Variants in CMSS1 observed in about 807,000 individuals in gnomAD.
CMSS1 encodes the protein cms1 ribosomal small subunit homolog.
Under a neutral mutation model 43.5 loss-of-function variants are expected in CMSS1, and 33 were observed. The observed-to-expected ratio is 0.76, with a 90% CI of 0.57 to 1.01. CMSS1 has a LOEUF of 1.01. Ranked by LOEUF, CMSS1 falls within the 50% of genes least tolerant of loss-of-function variation. The pLI is 0.00. For synonymous variants in CMSS1, 115 were observed against 117.2 expected, an observed-to-expected ratio of 0.98 and a Z score of 0.12; for missense variants, 313 against 326.4, an observed-to-expected ratio of 0.96 and a Z score of 0.32.
chr3:99,993,537 G>T (rs903653181), intron 1 of CMSS1, among the ~76,000 whole-genome samples: 6 of 152,048 alleles, frequency 3.9e-5, no homozygotes, highest in Non-Finnish European at 5.9e-5. Context: ...GTAAAAGTGG[G>T]CATCCTTGTC....
At chr3:100,102,572 A>AT (rs906999376) in intron 1 of CMSS1, among the ~76,000 whole-genome samples, 18 of 152,048 alleles carry the variant, frequency 1.2e-4, no homozygotes, top group African/African-American at 4.3e-4. Flanking sequence ...ATTGTTTTAT[A>AT]TTTTTTGTGT....
intron 1 of CMSS1, among the ~76,000 whole-genome samples, chr3:100,069,470 A>G (rs2065724230): frequency 1.3e-5 from 2 of 151,970 alleles, no homozygotes; most frequent in South Asian, 4.2e-4. Context: ...TGTGTTCCAG[A>G]CCTTTCTTTT....
At chr3:100,054,529 T>TATGTTATGTTATGTC (rs1559741173) in intron 1 of CMSS1, among the ~76,000 whole-genome samples, 8 of 151,590 alleles carry the variant, frequency 5.3e-5, no homozygotes, top group Non-Finnish European at 1.2e-4. Context: ...TATGTTATGT[T>TATGTTATGTTATGTC]ATGTTATGTT....
rs1559644217 is a variant in CMSS1, at chr3:99,818,043, GGTACCCACTCT to G, written c.64+3_64+13del. Reference sequence around the variant, plus strand: ...GCCGACTGGAGCAGGCAGCAGCCCAGGTACCCACTCTGTGCCCGCGCTCCTACGGGGCCTCT... The same window carrying G: ...GCCGACTGGAGCAGGCAGCAGCCCAGGTGCCCGCGCTCCTACGGGGCCTCT... On this transcript the variant is annotated splice_donor_variant and splice_donor_5th_base_variant and intron_variant, in intron 1 of 9. Transcript: ENST00000421999. LOFTEE classifies it high-confidence loss of function. The G allele has an allele frequency of 1.2e-6, 2 of 1,613,514 alleles. No individual in the cohort carries two copies. The highest frequency in any genetic ancestry group is 4.5e-5 in the East Asian group (2 of 44,878).
At chr3:99,911,855 A>G (rs554611345) in intron 1 of CMSS1, among the ~76,000 whole-genome samples, 12 of 152,224 alleles carry the variant, frequency 7.9e-5, no homozygotes, top group African/African-American at 2.6e-4. Flanking sequence ...AGTTCCAAGC[A>G]TAGTGTTAAG....
At chr3:99,874,802 CAATT>C (rs1325452516) in intron 1 of CMSS1, among the ~76,000 whole-genome samples, 1 of 152,140 alleles carries the variant, frequency 6.6e-6, no homozygotes, top group African/African-American at 2.4e-5. Context: ...TTTCTTCTGA[CAATT>C]AAATATAAAA....
At chr3:100,011,029 C>G (rs1038734029) in intron 1 of CMSS1, among the ~76,000 whole-genome samples, 4 of 152,048 alleles carry the variant, frequency 2.6e-5, no homozygotes, top group Non-Finnish European at 5.9e-5. Context: ...TTAGGAAGTA[C>G]AAACCCAGGA....
At chr3:100,108,739 A>G (rs1424051087) in intron 1 of CMSS1, among the ~76,000 whole-genome samples, 1 of 152,174 alleles carries the variant, frequency 6.6e-6, no homozygotes, top group Non-Finnish European at 1.5e-5. Flanking sequence ...AAGTAAGCAA[A>G]TGAACAAATG....
chr3:100,051,781 G>A (rs2065377905), intron 1 of CMSS1, among the ~76,000 whole-genome samples: 1 of 151,064 alleles, frequency 6.6e-6, no homozygotes, highest in Non-Finnish European at 1.5e-5. Context: ...TTGGTTCCAA[G>A]TCTTTGCTAT....
chr3:99,887,818 T>A (rs1051212167), intron 1 of CMSS1, among the ~76,000 whole-genome samples: 2 of 152,152 alleles, frequency 1.3e-5, no homozygotes, highest in African/African-American at 4.8e-5. Context: ...CACTGCAGCC[T>A]CGACCTCTTG....
Position 99,817,877 on chromosome 3 carries a change from C to T in CMSS1, c.-103C>T, listed in dbSNP as rs566681976. ...CGGAGGCGACAGTGTCTAGCGGGAG[C>T]TCCGCGTGTAGCTACGCCGGCCGCC... On this transcript the variant is annotated 5_prime_UTR_variant, in exon 1 of 10. Coordinates refer to ENST00000421999, the MANE Select transcript of CMSS1 (RefSeq NM_032359.4). 1.0e-4 allele frequency: 122 copies of T among 1,211,080 alleles called. No individual in the cohort carries two copies. The highest frequency in any genetic ancestry group is 1.2e-4 in the Non-Finnish European group (104 of 837,936). 75.0% of individuals were successfully genotyped at this position (1,211,080 alleles called of 1,614,324 possible).
At chr3:99,980,342 G>A (rs1002784179) in intron 1 of CMSS1, among the ~76,000 whole-genome samples, 4 of 152,104 alleles carry the variant, frequency 2.6e-5, no homozygotes, top group Admixed American at 2.6e-4. Context: ...CTGAAGTCTT[G>A]CATTGGATGT....
At chr3:100,130,189 T>C (rs186650911) in intron 1 of CMSS1, among the ~76,000 whole-genome samples, 1 of 152,224 alleles carries the variant, frequency 6.6e-6, no homozygotes, top group Non-Finnish European at 1.5e-5. Flanking sequence ...GTGTCCTGTT[T>C]TATAGATAAC....
chr3:99,995,549 A>T (rs1018769029), intron 1 of CMSS1, among the ~76,000 whole-genome samples: 2 of 152,154 alleles, frequency 1.3e-5, no homozygotes, highest in Admixed American at 1.3e-4. Flanking sequence ...GTGCCCAAGT[A>T]GGGACTCTGA....
intron 1 of CMSS1, among the ~76,000 whole-genome samples, chr3:100,101,378 C>T (rs906452993): frequency 7.2e-5 from 11 of 152,002 alleles, no homozygotes; most frequent in Non-Finnish European, 1.0e-4. Context: ...TGATATTTGG[C>T]GGGAGGAGCA....
intron 1 of CMSS1, among the ~76,000 whole-genome samples, chr3:99,905,966 G>C (rs1352593621): frequency 6.6e-6 from 1 of 152,196 alleles, no homozygotes; most frequent in African/African-American, 2.4e-5. Context: ...GCTGAGGCAG[G>C]CAGATCACTT....
intron 1 of CMSS1, among the ~76,000 whole-genome samples, chr3:99,828,410 T>TA (rs1039943156): frequency 3.1e-5 from 1 of 31,930 alleles, no homozygotes; most frequent in Non-Finnish European, 6.1e-5. Context: ...TACATACGTG[T>TA]ATTTTTTTTT....
chr3:100,160,533 C>A, intron 3 of CMSS1, 32 bp downstream of exon 3: 1 of 1,057,760 alleles, frequency 9.5e-7, no homozygotes, highest in Non-Finnish European at 1.4e-6. Context: ...ATTTGTATGG[C>A]CCCACATGGT....
intron 1 of CMSS1, among the ~76,000 whole-genome samples, chr3:99,949,944 A>G (rs1708126793): frequency 6.6e-6 from 1 of 152,202 alleles, no homozygotes; most frequent in Non-Finnish European, 1.5e-5. Context: ...TGCTTTATAC[A>G]TATTCTTGGA....
Sources: gnomAD v4.1 joint callset for allele counts (sites outside exome capture counted in the v4.1 genomes callset) on GRCh38, gnomAD v4.1.1 for gene constraint, MANE v1.5 for transcripts, NCBI Gene and HGNC (gene_info 2026-07-23, HGNC 2026-07-21) for gene names.